The following PDIA3 variants were observed in gnomAD, a reference collection of about 807,000 sequenced individuals.
The protein encoded by PDIA3 is protein disulfide isomerase family A member 3, also known as protein disulfide-isomerase A3.
PDIA3 carries 16 observed loss-of-function variants against 56.9 expected under a neutral mutation model. That is an observed-to-expected ratio of 0.28 (90% CI 0.19 to 0.43). The LOEUF (loss-of-function observed/expected upper bound fraction) is 0.43, where lower values mean the gene tolerates loss of function less well. PDIA3 is among the 20% of genes least tolerant of loss of function. PDIA3 has a pLI of 1.00. For missense variants in PDIA3, 485 were observed against 621.3 expected, an observed-to-expected ratio of 0.78 and a Z score of 2.33; for synonymous variants, 192 against 216.5, an observed-to-expected ratio of 0.89 and a Z score of 0.99.
intron 1 of PDIA3, chr15:43,751,660 A>G: frequency 7.7e-7 from 1 of 1,304,122 alleles, no homozygotes; most frequent in Non-Finnish European, 1.0e-6. Flanking sequence ...TGATGACCTT[A>G]TGGATATTGC....
chr15:43,764,403 A>T (rs2086835570), intron 5 of PDIA3, among the ~76,000 whole-genome samples: 1 of 152,076 alleles, frequency 6.6e-6, no homozygotes, highest in South Asian at 2.1e-4. Context: ...AGGGGTGAGT[A>T]TAAAAAAATG....
intron 2 of PDIA3, among the ~76,000 whole-genome samples, chr15:43,755,162 C>G (rs895822535): frequency 1.3e-5 from 2 of 151,916 alleles, no homozygotes; most frequent in Non-Finnish European, 2.9e-5. Flanking sequence ...CCCATCTCTA[C>G]TAAAAAATAT....
chr15:43,751,706 G>A (rs2086745371), intron 1 of PDIA3: 1 of 1,302,624 alleles, frequency 7.7e-7, no homozygotes, highest in Middle Eastern at 2.1e-4. Context: ...TCCCAGCCTT[G>A]CAGCTTACAC....
intron 7 of PDIA3, 64 bp from the exon 8 acceptor site, chr15:43,766,664 T>A: frequency 4.6e-6 from 6 of 1,303,960 alleles, no homozygotes; most frequent in Non-Finnish European, 6.5e-6. Context: ...CACTTGCTTC[T>A]TAGTTTCAAA....
At chr15:43,751,684 A>G in intron 1 of PDIA3, 2 of 1,303,774 alleles carry the variant, frequency 1.5e-6, no homozygotes, top group Non-Finnish European at 1.0e-6. Flanking sequence ...AGTTTAAGGC[A>G]GTGGATTTTA....
intron 1 of PDIA3, among the ~76,000 whole-genome samples, chr15:43,751,151 AT>A (rs1242023068): frequency 3.1e-4 from 46 of 147,614 alleles, no homozygotes; most frequent in East Asian, 3.0e-3. Context: ...AAAAAAAATA[AT>A]ATATGTGCTA....
Position 43,770,578 on chromosome 15 carries a change from GAAGT to G in PDIA3, c.1404+3_1404+6del, listed in dbSNP as rs1321117167. ...CAAGAAGCTAAATCCAAAGAAATATGAAGTAAGTGAATTGTCCCATATCCCCACA... is the reference window on the plus strand; with the variant it reads ...CAAGAAGCTAAATCCAAAGAAATATGAAGTGAATTGTCCCATATCCCCACA... On this transcript the variant is annotated splice_donor_variant and coding_sequence_variant, in exon 12 of 13. Coordinates refer to ENST00000300289, the MANE Select transcript of PDIA3 (RefSeq NM_005313.5). LOFTEE classifies it high-confidence loss of function. 2 of 1,602,176 alleles carry G rather than the reference GAAGT, an allele frequency of 1.2e-6. No homozygotes were observed. Among genetic ancestry groups the G allele is most frequent in the Non-Finnish European group, 1.7e-6 (2 of 1,169,212 alleles).
At chr15:43,754,505 T>A (rs1459262163) in intron 2 of PDIA3, among the ~76,000 whole-genome samples, 9 of 151,476 alleles carry the variant, frequency 5.9e-5, no homozygotes, top group African/African-American at 1.9e-4. Flanking sequence ...CACTTTGGGA[T>A]GATTACTTGA....
At chr15:43,764,424 T>TCACTAA (rs1171008988) in intron 5 of PDIA3, among the ~76,000 whole-genome samples, 1 of 152,170 alleles carries the variant, frequency 6.6e-6, no homozygotes, top group Non-Finnish European at 1.5e-5. Context: ...TAAACAATAG[T>TCACTAA]CACTAACTAT....
rs1383957794 is a variant in PDIA3, at chr15:43,771,669, T to C, written c.*451T>C. 1 of 398,936 alleles carries C rather than the reference T, an allele frequency of 2.5e-6. No individual in the cohort carries two copies. Among genetic ancestry groups the C allele is most frequent in the Non-Finnish European group, 4.4e-6 (1 of 226,392 alleles). The allele number at this position is 398,936 out of a possible 1,614,324, so 24.7% of individuals were successfully genotyped here. On this transcript the variant is annotated 3_prime_UTR_variant, in exon 13 of 13. Coordinates refer to ENST00000300289, the MANE Select transcript of PDIA3 (RefSeq NM_005313.5). Reference sequence around the variant, plus strand: ...TCAGTACAGGTAGCTACGGAGCATCTGAAATATGGCTAGAAACTACATTTT... The same window carrying C: ...TCAGTACAGGTAGCTACGGAGCATCCGAAATATGGCTAGAAACTACATTTT...
intron 1 of PDIA3, 66 bp downstream of exon 1, chr15:43,746,772 A>G (rs1192221574): frequency 1.3e-6 from 2 of 1,554,770 alleles, no homozygotes; most frequent in African/African-American, 2.7e-5. Context: ...AGCGCGGGGA[A>G]CTGTTGGGCC....
At chr15:43,765,609 T>G in intron 6 of PDIA3, 43 bp downstream of exon 6, 1 of 1,231,186 alleles carries the variant, frequency 8.1e-7, no homozygotes. Flanking sequence ...ATTTGCTTGA[T>G]TTTAGTTTGT....
chr15:43,754,161 C>G (rs185041809), intron 2 of PDIA3, among the ~76,000 whole-genome samples: 74 of 151,948 alleles, frequency 4.9e-4, no homozygotes, highest in Admixed American at 4.8e-3. Flanking sequence ...TTTGGGAGGC[C>G]GAGGTGGGTG....
At chr15:43,764,979 A>G (rs979347345) in intron 5 of PDIA3, among the ~76,000 whole-genome samples, 7 of 152,190 alleles carry the variant, frequency 4.6e-5, no homozygotes, top group Non-Finnish European at 8.8e-5. Context: ...GGTGGTTAGC[A>G]TCTTAGTGTT....
rs1287002361 is a variant in PDIA3, at chr15:43,763,807, T to A, written c.602+601T>A. Among the ~76,000 whole-genome samples the A allele has an allele frequency of 2.0e-5, 3 of 151,820 alleles. No individual in the cohort carries two copies. In the East Asian group the frequency reaches 5.8e-4, roughly 29 times the overall value. ...AGGGGGGTAATATCAGAAATATTCA[T>A]AGAGGGGGTGACTCTTGAAGGATCA... On this transcript the variant is annotated intron_variant, in intron 5 of 12. Coordinates refer to ENST00000300289, the MANE Select transcript of PDIA3 (RefSeq NM_005313.5).
chr15:43,754,007 G>A (rs1387528966), intron 2 of PDIA3, 105 bp downstream of exon 2: 7 of 783,602 alleles, frequency 8.9e-6, no homozygotes, highest in Non-Finnish European at 1.6e-5. Context: ...TAAATAGTTT[G>A]TAAGATTAAC....
intron 12 of PDIA3, 21 bp from the exon 13 acceptor site, chr15:43,771,084 A>G (rs778286790): frequency 1.3e-6 from 2 of 1,537,982 alleles, no homozygotes; most frequent in Non-Finnish European, 1.8e-6. Context: ...TACACTTTTA[A>G]GCTGATCTTT....
chr15:43,768,408 G>C, intron 8 of PDIA3, 81 bp from the exon 9 acceptor site: 2 of 1,021,170 alleles, frequency 2.0e-6, no homozygotes, highest in South Asian at 2.7e-5. Context: ...AAAATACATA[G>C]TAACTATTCA....
chr15:43,747,196 A>ATT (rs2086712683), intron 1 of PDIA3: 1 of 156,356 alleles, frequency 6.4e-6, no homozygotes. Context: ...GAGTGGCTGC[A>ATT]GAATGGTCGT....
Sources: gnomAD v4.1 joint callset for allele counts (sites outside exome capture counted in the v4.1 genomes callset) on GRCh38, gnomAD v4.1.1 for gene constraint, MANE v1.5 for transcripts, NCBI Gene and HGNC (gene_info 2026-07-23, HGNC 2026-07-21) for gene names.